SEM1: variants seen among roughly 807,000 people sequenced by gnomAD.
SEM1 encodes the protein SEM1 26S proteasome subunit.
In SEM1, 3 loss-of-function variants were observed where a neutral mutation model predicts 12.7. That is an observed-to-expected ratio of 0.24 (90% CI 0.11 to 0.61). The LOEUF is 0.61. Among genes scored for constraint, SEM1 ranks in the 20% least tolerant of loss-of-function variants. The probability of loss-of-function intolerance (pLI) is 0.88; values close to 1 mark genes in which losing one functional copy is unlikely to be tolerated. For missense variants in SEM1, 59 were observed against 81.3 expected (o/e 0.73, Z 1.06); for synonymous variants, 30 against 27.8 (o/e 1.08, Z -0.25).
intron 2 of SEM1, among the ~76,000 whole-genome samples, chr7:96,662,700 T>A (rs1563103010): frequency 6.6e-6 from 1 of 152,168 alleles, no homozygotes; most frequent in African/African-American, 2.4e-5. Flanking sequence ...AATAATTTTT[T>A]AAAAAACTGA....
chr7:96,674,151 T>A (rs934709844), intron 2 of SEM1, among the ~76,000 whole-genome samples: 5 of 152,194 alleles, frequency 3.3e-5, no homozygotes, highest in Non-Finnish European at 7.3e-5. Context: ...TTCCTCATTA[T>A]TTGTAATTAC....
intron 2 of SEM1, among the ~76,000 whole-genome samples, chr7:96,567,007 A>C (rs1805860156): frequency 6.6e-6 from 1 of 151,618 alleles, no homozygotes; most frequent in Non-Finnish European, 1.5e-5. Flanking sequence ...TCTATGTGCC[A>C]GTAAAAGTGT....
intron 2 of SEM1, among the ~76,000 whole-genome samples, chr7:96,513,246 T>G (rs986803758): frequency 3.3e-5 from 5 of 151,696 alleles, no homozygotes; most frequent in African/African-American, 9.7e-5. Flanking sequence ...CGGAATGGAG[T>G]GTCTCTCACA....
At chr7:96,518,140 C>G (rs927423861) in intron 2 of SEM1, among the ~76,000 whole-genome samples, 29 of 152,088 alleles carry the variant, frequency 1.9e-4, no homozygotes, top group African/African-American at 6.3e-4. Context: ...CTGCATAGAT[C>G]GTAGTAGTAA....
chr7:96,581,175 A>G (rs1412287944), intron 2 of SEM1, among the ~76,000 whole-genome samples: 2 of 152,184 alleles, frequency 1.3e-5, no homozygotes, highest in African/African-American at 4.8e-5. Context: ...ATCCAGTTTC[A>G]GCTTTCTACA....
chr7:96,550,385 T>G (rs775798508), intron 2 of SEM1, among the ~76,000 whole-genome samples: 34 of 152,346 alleles, frequency 2.2e-4, no homozygotes, highest in Non-Finnish European at 3.5e-4. Flanking sequence ...AATTACCAAC[T>G]GAAGTGCATT....
chr7:96,530,985 C>G (rs1432940375), intron 2 of SEM1, among the ~76,000 whole-genome samples: 2 of 151,838 alleles, frequency 1.3e-5, no homozygotes, highest in Non-Finnish European at 2.9e-5. Context: ...GCGCCATGCC[C>G]AAAACAATCA....
At chr7:96,664,510 A>G (rs920140148) in intron 2 of SEM1, among the ~76,000 whole-genome samples, 5 of 152,202 alleles carry the variant, frequency 3.3e-5, no homozygotes, top group Admixed American at 1.3e-4. Flanking sequence ...TTTGGCCTCC[A>G]TCTTCTGCTT....
At chr7:96,550,348 T>G (rs1295859963) in intron 2 of SEM1, among the ~76,000 whole-genome samples, 2 of 152,328 alleles carry the variant, frequency 1.3e-5, no homozygotes, top group Admixed American at 6.5e-5. Flanking sequence ...AGTACTATAT[T>G]ACTGAGCACT....
At chr7:96,513,880 T>C (rs558682023) in intron 2 of SEM1, among the ~76,000 whole-genome samples, 10 of 152,218 alleles carry the variant, frequency 6.6e-5, no homozygotes, top group African/African-American at 2.4e-4. Flanking sequence ...GATATTGCTA[T>C]GTAATATTAC....
chr7:96,540,142 T>C (rs1054549301), intron 2 of SEM1, among the ~76,000 whole-genome samples: 6 of 151,530 alleles, frequency 4.0e-5, no homozygotes, highest in South Asian at 2.1e-4. Flanking sequence ...AGAGAATCAA[T>C]TGGCAGATCA....
chr7:96,539,096 T>C (rs1294502491), intron 2 of SEM1, among the ~76,000 whole-genome samples: 1 of 151,860 alleles, frequency 6.6e-6, no homozygotes, highest in Non-Finnish European at 1.5e-5. Flanking sequence ...TCTGTCAAGA[T>C]ACTGAGAATG....
At chr7:96,680,188 G>GT (rs1563109949) in intron 2 of SEM1, among the ~76,000 whole-genome samples, 2 of 151,998 alleles carry the variant, frequency 1.3e-5, no homozygotes, top group African/African-American at 4.8e-5. Flanking sequence ...TCCCTATGGT[G>GT]TAACTTGCTA....
intron 2 of SEM1, among the ~76,000 whole-genome samples, chr7:96,556,951 TTG>T (rs1805524910): frequency 6.7e-6 from 1 of 149,876 alleles, no homozygotes; most frequent in Non-Finnish European, 1.5e-5. Flanking sequence ...TCATCTTCCA[TTG>T]CTGATACCCT....
intron 2 of SEM1, among the ~76,000 whole-genome samples, chr7:96,641,197 C>T (rs888709922): frequency 2.0e-5 from 3 of 151,324 alleles, no homozygotes; most frequent in African/African-American, 7.3e-5. Context: ...ATATCAAACA[C>T]TATATTTACT....
At chr7:96,525,209 T>G (rs1458416351) in intron 2 of SEM1, among the ~76,000 whole-genome samples, 1 of 151,990 alleles carries the variant, frequency 6.6e-6, no homozygotes, top group East Asian at 1.9e-4. Context: ...ATATAAACAA[T>G]TACCCCTCCC....
intron 2 of SEM1, among the ~76,000 whole-genome samples, chr7:96,639,695 G>A (rs537161184): frequency 2.6e-5 from 4 of 151,912 alleles, no homozygotes; most frequent in Non-Finnish European, 5.9e-5. Context: ...AGCACCAAAG[G>A]CATGATCCAT....
intron 2 of SEM1, among the ~76,000 whole-genome samples, chr7:96,577,014 G>A (rs1288431478): frequency 1.3e-5 from 2 of 152,062 alleles, no homozygotes; most frequent in African/African-American, 4.8e-5. Context: ...CTACTCGGGA[G>A]GCTGAGGCAG....
chr7:96,604,779 C>T (rs1807295154), intron 2 of SEM1, among the ~76,000 whole-genome samples: 6 of 151,968 alleles, frequency 3.9e-5, no homozygotes, highest in Admixed American at 3.9e-4. Flanking sequence ...ATTAGCCAGG[C>T]ATGGTGGTGC....
Sources: allele counts gnomAD v4.1 joint callset (sites outside exome capture counted in the v4.1 genomes callset), GRCh38; gene constraint gnomAD v4.1.1; transcripts MANE v1.5; gene names NCBI Gene and HGNC (gene_info 2026-07-23, HGNC 2026-07-21).